The following ERBB4 variants were observed in gnomAD, a reference collection of about 807,000 sequenced individuals.
ERBB4 encodes the protein erb-b2 receptor tyrosine kinase 4, also known as receptor tyrosine-protein kinase erbB-4.
ERBB4 carries 42 observed loss-of-function variants against 158.0 expected under a neutral mutation model. The observed-to-expected ratio is 0.27, with a 90% CI of 0.21 to 0.34. ERBB4 has a LOEUF of 0.34. Among genes scored for constraint, ERBB4 ranks in the 10% least tolerant of loss-of-function variants. ERBB4 has a pLI of 1.00. For synonymous variants in ERBB4, 583 were observed against 558.7 expected, an observed-to-expected ratio of 1.04 and a Z score of -0.61; for missense variants, 1,333 against 1,624.1, an observed-to-expected ratio of 0.82 and a Z score of 3.08.
intron 20 of ERBB4, among the ~76,000 whole-genome samples, chr2:211,508,742 C>G (rs931267287): frequency 1.3e-5 from 2 of 152,114 alleles, no homozygotes; most frequent in African/African-American, 4.8e-5. Flanking sequence ...ATTGCAAAGA[C>G]TTGGAGCCAA....
chr2:212,164,223 G>T (rs901462324), intron 1 of ERBB4, among the ~76,000 whole-genome samples: 1 of 151,890 alleles, frequency 6.6e-6, no homozygotes, highest in Admixed American at 6.6e-5. Flanking sequence ...TTGACATATG[G>T]CTAGTCTGAA....
intron 2 of ERBB4, among the ~76,000 whole-genome samples, chr2:211,949,415 C>G (rs1201343007): frequency 6.6e-6 from 1 of 152,092 alleles, no homozygotes; most frequent in African/African-American, 2.4e-5. Flanking sequence ...TGAAGTGTAG[C>G]TGGCATAAAT....
At chr2:211,788,681 T>C (rs1365166003) in intron 3 of ERBB4, among the ~76,000 whole-genome samples, 2 of 152,152 alleles carry the variant, frequency 1.3e-5, no homozygotes, top group East Asian at 1.9e-4. Flanking sequence ...TCCAAGGTCA[T>C]AGAGTGTGGA....
intron 3 of ERBB4, among the ~76,000 whole-genome samples, chr2:211,885,354 T>C (rs1037920812): frequency 6.6e-6 from 1 of 152,038 alleles, no homozygotes; most frequent in African/African-American, 2.4e-5. Context: ...TCTATAGTGA[T>C]AGTAAAGAAA....
chr2:211,773,626 A>ATAT (rs1553630442), intron 4 of ERBB4, among the ~76,000 whole-genome samples: 6 of 78,570 alleles, frequency 7.6e-5, no homozygotes, highest in African/African-American at 4.0e-4. Flanking sequence ...ATATATATAT[A>ATAT]TATATATATA....
At chr2:211,426,125 A>AATAAACAAACAGCAACATAT (rs59567054) in intron 22 of ERBB4, among the ~76,000 whole-genome samples, 117,198 of 151,988 alleles carry the variant, frequency 0.77, 45,976 homozygotes, top group African/African-American at 0.92. Flanking sequence ...TAGAAAATAT[A>AATAAACAAACAGCAACATAT]AAATACAAAA....
intron 3 of ERBB4, among the ~76,000 whole-genome samples, chr2:211,901,747 T>C (rs970471352): frequency 6.6e-6 from 1 of 152,152 alleles, no homozygotes; most frequent in Non-Finnish European, 1.5e-5. Flanking sequence ...ATAGCTTTTT[T>C]CCTATATTTA....
intron 19 of ERBB4, among the ~76,000 whole-genome samples, chr2:211,566,238 T>A (rs1166695747): frequency 6.6e-6 from 1 of 152,052 alleles, no homozygotes; most frequent in East Asian, 1.9e-4. Context: ...ATGGTATCAG[T>A]CAGCGGTAAC....
At chr2:212,360,421 C>T (rs1472825266) in intron 1 of ERBB4, among the ~76,000 whole-genome samples, 3 of 151,588 alleles carry the variant, frequency 2.0e-5, no homozygotes, top group Admixed American at 6.6e-5. Flanking sequence ...ACAGGTTTAC[C>T]TTTCCTGGAA....
chr2:212,003,219 A>AAGAC (rs1559294328), intron 2 of ERBB4, among the ~76,000 whole-genome samples: 5 of 58,878 alleles, frequency 8.5e-5, no homozygotes, highest in African/African-American at 1.4e-4. Flanking sequence ...GAAAGAAGGA[A>AAGAC]GGAAGGAAGG....
chr2:212,251,134 C>A lies in ERBB4; in HGVS notation c.83-126231G>T, dbSNP rs1431748747. 2.6e-5 allele frequency among the ~76,000 whole-genome samples: 4 copies of A among 151,922 alleles called. No homozygotes were observed. The East Asian group carries it at 5.8e-4, about 22-fold the overall frequency. On this transcript the variant is annotated intron_variant, in intron 1 of 27. Coordinates refer to ENST00000342788, the MANE Select transcript of ERBB4 (RefSeq NM_005235.3). The stretch of plus-strand genomic sequence containing the variant: ...TATTCTATTGAGGATATACTTGACT[C>A]AATCTAAAATGTCTTTACATCCTGA...
chr2:211,601,667 G>A (rs1246123167), intron 19 of ERBB4, among the ~76,000 whole-genome samples: 1 of 152,090 alleles, frequency 6.6e-6, no homozygotes, highest in African/African-American at 2.4e-5. Context: ...GCAAAATATT[G>A]AGGGAAAAGT....
chr2:212,174,411 A>G (rs779439431), intron 1 of ERBB4, among the ~76,000 whole-genome samples: 9 of 152,128 alleles, frequency 5.9e-5, no homozygotes, highest in Non-Finnish European at 8.8e-5. Context: ...ACATACATTA[A>G]ATGCTATTTC....
chr2:212,252,052 G>A (rs1246066710), intron 1 of ERBB4, among the ~76,000 whole-genome samples: 2 of 152,002 alleles, frequency 1.3e-5, no homozygotes, highest in Non-Finnish European at 2.9e-5. Flanking sequence ...TTTTAAAGTA[G>A]AACCTCAAAA....
At chr2:212,285,244 A>G (rs1013324771) in intron 1 of ERBB4, among the ~76,000 whole-genome samples, 1 of 152,162 alleles carries the variant, frequency 6.6e-6, no homozygotes, top group Non-Finnish European at 1.5e-5. Context: ...AAGGGTGAGA[A>G]TGGCTCTCTT....
At chr2:211,983,294 C>G (rs1037991434) in intron 2 of ERBB4, among the ~76,000 whole-genome samples, 1 of 152,036 alleles carries the variant, frequency 6.6e-6, no homozygotes, top group Admixed American at 6.6e-5. Flanking sequence ...AAAGGAAACC[C>G]TGGTATTGTT....
At chr2:212,506,294 A>T (rs2106260751) in intron 1 of ERBB4, among the ~76,000 whole-genome samples, 1 of 148,730 alleles carries the variant, frequency 6.7e-6, no homozygotes, top group Admixed American at 6.7e-5. Flanking sequence ...AAATAATTAT[A>T]AATTAGGCCA....
intron 20 of ERBB4, among the ~76,000 whole-genome samples, chr2:211,513,790 C>T (rs1460093628): frequency 6.6e-6 from 1 of 151,948 alleles, no homozygotes; most frequent in Admixed American, 6.6e-5. Flanking sequence ...CTCCAGACTA[C>T]TAAAACAAGT....
chr2:212,209,050 C>T (rs1453791005), intron 1 of ERBB4, among the ~76,000 whole-genome samples: 1 of 152,084 alleles, frequency 6.6e-6, no homozygotes, highest in Non-Finnish European at 1.5e-5. Context: ...TGTAGACCCT[C>T]CTTTCCATTT....
Sources: gnomAD v4.1 joint callset for allele counts (sites outside exome capture counted in the v4.1 genomes callset) on GRCh38, gnomAD v4.1.1 for gene constraint, MANE v1.5 for transcripts, NCBI Gene and HGNC (gene_info 2026-07-23, HGNC 2026-07-21) for gene names.